GAB2: variants seen among roughly 807,000 people sequenced by gnomAD.
GAB2 encodes GRB2-associated-binding protein 2.
GAB2 carries 26 observed loss-of-function variants against 65.5 expected under a neutral mutation model. The ratio of observed to expected loss-of-function variants is 0.40; its 90% CI spans 0.29 to 0.55. GAB2 has a LOEUF of 0.55. Ranked by LOEUF, GAB2 falls within the 20% of genes least tolerant of loss-of-function variation. The pLI, the probability that GAB2 is intolerant of heterozygous loss-of-function variation, is 0.53. For synonymous variants in GAB2, 321 were observed against 329.6 expected (o/e 0.97, Z 0.28); for missense variants, 884 against 875.8 (o/e 1.01, Z -0.12).
intron 1 of GAB2, among the ~76,000 whole-genome samples, chr11:78,346,702 T>C (rs1399343942): frequency 3.1e-5 from 3 of 96,778 alleles, no homozygotes; most frequent in African/African-American, 2.1e-4. Context: ...TATATATATA[T>C]ATATATATAT....
intron 1 of GAB2, among the ~76,000 whole-genome samples, chr11:78,300,244 C>T (rs559843446): frequency 6.6e-6 from 1 of 151,396 alleles, no homozygotes; most frequent in South Asian, 2.1e-4. Context: ...TTTTTATGCA[C>T]AACATGAAGT....
Position 78,222,161 on chromosome 11 carries a change from G to T in GAB2, c.1602C>A (p.Thr534=), listed in dbSNP as rs1475283631. ...ACTTGAAGGGGAGTTCATCGATGAC[G>T]GTGTTGTTCCTCAGGTCAAGTGGTG... ...KPTPLDLRNN[T]VIDELPFKSP... The change falls in exon 7 of 10, where the codon ACC becomes ACA. Residue 534 remains threonine (T), a synonymous_variant. Coordinates refer to ENST00000361507, the MANE Select transcript of GAB2 (RefSeq NM_080491.3). 3.1e-6 allele frequency: 5 copies of T among 1,613,828 alleles called. No homozygotes were observed. Among genetic ancestry groups the T allele is most frequent in the African/African-American group, 1.3e-5 (1 of 74,922 alleles).
intron 1 of GAB2, among the ~76,000 whole-genome samples, chr11:78,390,692 G>A (rs943676880): frequency 6.6e-6 from 1 of 152,130 alleles, no homozygotes; most frequent in Non-Finnish European, 1.5e-5. Context: ...CTCCAATAAT[G>A]GGTTCATGCA....
At chr11:78,306,470 A>T (rs534013661) in intron 1 of GAB2, among the ~76,000 whole-genome samples, 1 of 152,122 alleles carries the variant, frequency 6.6e-6, no homozygotes, top group Non-Finnish European at 1.5e-5. Context: ...GAGCTCAGGC[A>T]ATCTGCCCAC....
chr11:78,291,506 G>C (rs1243680187), intron 1 of GAB2, among the ~76,000 whole-genome samples: 3 of 134,892 alleles, frequency 2.2e-5, no homozygotes, highest in Non-Finnish European at 4.7e-5. Flanking sequence ...AGATGGACAA[G>C]AGACTACCTA....
chr11:78,362,088 AAAAAAAGCAAGTATAGAG>A (rs1424461894), intron 1 of GAB2, among the ~76,000 whole-genome samples: 2 of 152,144 alleles, frequency 1.3e-5, no homozygotes, highest in Non-Finnish European at 2.9e-5. Flanking sequence ...AAGTAAAAAA[AAAAAAAGCAAGTATAGAG>A]AAAGTTGTCC....
At chr11:78,393,445 A>T (rs1171093724) in intron 1 of GAB2, among the ~76,000 whole-genome samples, 1 of 152,238 alleles carries the variant, frequency 6.6e-6, no homozygotes, top group Non-Finnish European at 1.5e-5. Flanking sequence ...GCAATCAAAG[A>T]AATCCAAATC....
intron 3 of GAB2, among the ~76,000 whole-genome samples, chr11:78,232,465 G>A (rs186317559): frequency 7.9e-5 from 12 of 152,332 alleles, no homozygotes; most frequent in African/African-American, 2.9e-4. Context: ...AAACCAACTT[G>A]TCTTCAAAGA....
intron 1 of GAB2, among the ~76,000 whole-genome samples, chr11:78,283,983 G>C (rs1199131374): frequency 6.6e-6 from 1 of 151,310 alleles, no homozygotes. Context: ...TATATCTCTA[G>C]CCCTAGAGTT....
At chr11:78,224,334 C>T (rs954071172) in intron 5 of GAB2, among the ~76,000 whole-genome samples, 6 of 152,170 alleles carry the variant, frequency 3.9e-5, no homozygotes, top group African/African-American at 1.4e-4. Context: ...TCACCACTGG[C>T]AGGTCAGCAT....
intron 1 of GAB2, among the ~76,000 whole-genome samples, chr11:78,288,382 G>GAAAAAAAAA (rs369041941): frequency 8.4e-6 from 1 of 119,458 alleles, no homozygotes; most frequent in African/African-American, 3.2e-5. Flanking sequence ...CCATCTCAAA[G>GAAAAAAAAA]AAAAAAAAAA....
intron 2 of GAB2, among the ~76,000 whole-genome samples, chr11:78,267,857 CAAAAAAAAAAAAAAAA>C (rs751533828): frequency 3.0e-5 from 1 of 32,804 alleles, no homozygotes; most frequent in African/African-American, 9.7e-5. Context: ...GACTCCGTCT[CAAAAAAAAAAAAAAAA>C]AAAAAAAAGA....
intron 1 of GAB2, among the ~76,000 whole-genome samples, chr11:78,313,512 C>T (rs1855541550): frequency 6.6e-6 from 1 of 152,092 alleles, no homozygotes; most frequent in African/African-American, 2.4e-5. Flanking sequence ...TGGTATTGCC[C>T]CACCTCAGGA....
chr11:78,370,572 G>T (rs936388154), intron 1 of GAB2, among the ~76,000 whole-genome samples: 4 of 152,100 alleles, frequency 2.6e-5, no homozygotes, highest in Admixed American at 6.6e-5. Flanking sequence ...AGACTGGTAG[G>T]AAAGAATAGG....
At chr11:78,302,438 A>G (rs761895337) in intron 1 of GAB2, among the ~76,000 whole-genome samples, 3 of 152,218 alleles carry the variant, frequency 2.0e-5, no homozygotes, top group Non-Finnish European at 2.9e-5. Context: ...AAAATGCTCA[A>G]CGTCACTAAT....
chr11:78,352,418 A>T (rs1444738408), intron 1 of GAB2, among the ~76,000 whole-genome samples: 1 of 152,244 alleles, frequency 6.6e-6, no homozygotes, highest in Non-Finnish European at 1.5e-5. Context: ...GCAGGGCTTC[A>T]CAGCTCGGCG....
At chr11:78,255,612 T>C (rs1278493142) in intron 2 of GAB2, among the ~76,000 whole-genome samples, 2 of 152,200 alleles carry the variant, frequency 1.3e-5, no homozygotes, top group Non-Finnish European at 2.9e-5. Flanking sequence ...GGGGAGGTGC[T>C]ACCTCACTTT....
At chr11:78,324,680 G>A (rs1169105865) in intron 1 of GAB2, 5 of 152,210 alleles carry the variant, frequency 3.3e-5, no homozygotes. Context: ...ATAATCTTCT[G>A]AAGTAGGAAT....
intron 1 of GAB2, among the ~76,000 whole-genome samples, chr11:78,322,513 A>G (rs1855745906): frequency 6.6e-6 from 1 of 151,936 alleles, no homozygotes; most frequent in African/African-American, 2.4e-5. Context: ...GAGAGAGTAA[A>G]GAGACAACCT....
Sources: gnomAD v4.1 joint callset for allele counts (sites outside exome capture counted in the v4.1 genomes callset) on GRCh38, gnomAD v4.1.1 for gene constraint, MANE v1.5 for transcripts, NCBI Gene and HGNC (gene_info 2026-07-23, HGNC 2026-07-21) for gene names.